Variants in PRP4K observed in about 807,000 individuals in gnomAD.
PRP4K encodes serine/threonine-protein kinase PRP4 homolog.
At chr6:4,048,377 TCA>T in the PRP4K span, among the ~76,000 whole-genome samples, 1 of 52,456 alleles carries the variant, frequency 1.9e-5, no homozygotes. Context: ...AGACTCCGTC[TCA>T]AAAAAAAAAA....
the PRP4K span, chr6:4,056,938 C>T: frequency 3.2e-6 from 4 of 1,265,452 alleles, no homozygotes; most frequent in Non-Finnish European, 4.3e-6. Context: ...TGGTTATAGT[C>T]CAAGCTAAGG....
chr6:4,025,738 C>G, the PRP4K span, among the ~76,000 whole-genome samples: 23 of 152,250 alleles, frequency 1.5e-4, no homozygotes, highest in African/African-American at 5.3e-4. Context: ...AGACTCTTAA[C>G]AATTTTTAAT....
chr6:4,032,392 C>A, the PRP4K span: 9 of 1,613,878 alleles, frequency 5.6e-6, no homozygotes, highest in South Asian at 1.1e-5. Flanking sequence ...GGTAAAAAAT[C>A]CAGATCCCCA....
chr6:4,037,473 A>G, the PRP4K span: 25 of 1,613,958 alleles, frequency 1.5e-5, no homozygotes, highest in Admixed American at 5.0e-5. Flanking sequence ...ATGGTCTCCA[A>G]CCCGAAGAAG....
chr6:4,041,647 T>C, the PRP4K span, among the ~76,000 whole-genome samples: 1 of 149,836 alleles, frequency 6.7e-6, no homozygotes, highest in African/African-American at 2.5e-5. Flanking sequence ...CAACAGGAGG[T>C]TATTAGCCTC....
chr6:4,060,092 A>G, the PRP4K span, among the ~76,000 whole-genome samples: 1 of 152,242 alleles, frequency 6.6e-6, no homozygotes, highest in African/African-American at 2.4e-5. This position sits in a 1 kb window ranked among gnomAD's most constrained non-coding sequence, Gnocchi z 4.7. Context: ...ACTCACACAC[A>G]TCTAGGGTAA....
At chr6:4,029,582 G>A in the PRP4K span, among the ~76,000 whole-genome samples, 1 of 152,008 alleles carries the variant, frequency 6.6e-6, no homozygotes, top group African/African-American at 2.4e-5. Context: ...CGAACTCCTG[G>A]GTTCAAGTGA....
At chr6:4,052,703 TAA>T in the PRP4K span, 1 of 1,518,198 alleles carries the variant, frequency 6.6e-7, no homozygotes, top group Non-Finnish European at 8.9e-7. Flanking sequence ...TTTCTTTTTT[TAA>T]TTTTCTCCTA....
chr6:4,024,663 C>T, the PRP4K span, among the ~76,000 whole-genome samples: 120 of 152,178 alleles, frequency 7.9e-4, no homozygotes, highest in African/African-American at 2.5e-3. Context: ...AGTGCAGTAG[C>T]GCAATCTTGG....
the PRP4K span, chr6:4,041,011 C>A: frequency 7.5e-7 from 1 of 1,335,002 alleles, no homozygotes; most frequent in Non-Finnish European, 1.0e-6. Flanking sequence ...TAATATCCAC[C>A]TAAATATTAT....
the PRP4K span, among the ~76,000 whole-genome samples, chr6:4,056,168 T>C: frequency 2.0e-5 from 3 of 152,246 alleles, no homozygotes; most frequent in Non-Finnish European, 4.4e-5. Flanking sequence ...AGTTAGGAAA[T>C]TGAATTAAAA....
At chr6:4,049,971 A>G in the PRP4K span, 1 of 1,384,938 alleles carries the variant, frequency 7.2e-7, no homozygotes, top group South Asian at 1.5e-5. Context: ...GATACATGAT[A>G]GAATGTGTAA....
At chr6:4,053,818 C>G in the PRP4K span, among the ~76,000 whole-genome samples, 1 of 152,166 alleles carries the variant, frequency 6.6e-6, no homozygotes, top group Non-Finnish European at 1.5e-5. Context: ...ATCCTGAAGA[C>G]TAAAAGCTAA....
At chr6:4,040,463 G>C in the PRP4K span, among the ~76,000 whole-genome samples, 1 of 152,122 alleles carries the variant, frequency 6.6e-6, no homozygotes, top group African/African-American at 2.4e-5. Flanking sequence ...TATCCCCATA[G>C]AGCTTATATT....
chr6:4,049,962 A>G, the PRP4K span: 1 of 1,435,522 alleles, frequency 7.0e-7, no homozygotes, highest in Non-Finnish European at 9.4e-7. Flanking sequence ...TTTTAAAGTG[A>G]TACATGATAG....
At chr6:4,043,953 G>A in the PRP4K span, 1 of 1,614,112 alleles carries the variant, frequency 6.2e-7, no homozygotes, top group Non-Finnish European at 8.5e-7. Context: ...AGTATGAACG[G>A]GAAAATGTTG....
At chr6:4,043,592 C>G in the PRP4K span, among the ~76,000 whole-genome samples, 3 of 152,144 alleles carry the variant, frequency 2.0e-5, no homozygotes, top group African/African-American at 7.2e-5. Flanking sequence ...GTGCTGCCAC[C>G]TGATGAATGT....
chr6:4,052,963 C>A, the PRP4K span: 1 of 1,225,922 alleles, frequency 8.2e-7, no homozygotes, highest in Non-Finnish European at 1.1e-6. Flanking sequence ...GAAACGACAT[C>A]TTAGAAGCAT....
At chr6:4,032,259 T>C in the PRP4K span, 20 of 1,612,952 alleles carry the variant, frequency 1.2e-5, no homozygotes, top group Non-Finnish European at 1.7e-5. Context: ...TAGAAGGCGA[T>C]CTCAAGAGAA....
Sources: allele counts gnomAD v4.1 joint callset (sites outside exome capture counted in the v4.1 genomes callset), GRCh38; gene constraint gnomAD v4.1.1; non-coding constraint Gnocchi (gnomAD v3.1); transcripts MANE v1.5; gene names NCBI Gene and HGNC (gene_info 2026-07-23, HGNC 2026-07-21).